COTL1: variants seen among roughly 807,000 people sequenced by gnomAD.
The protein encoded by COTL1 is coactosin-like protein.
A neutral mutation model predicts 16.5 loss-of-function variants in COTL1; 15 were observed. The ratio of observed to expected loss-of-function variants is 0.91; its 90% CI spans 0.61 to 1.40. The LOEUF (loss-of-function observed/expected upper bound fraction) is 1.40. Ranked by LOEUF, COTL1 falls within the 40% of genes most tolerant of loss-of-function variation. The pLI is 0.00. For synonymous variants in COTL1, 112 were observed against 85.3 expected (o/e 1.31, Z -1.73); for missense variants, 220 against 201.5 (o/e 1.09, Z -0.56).
At chr16:84,579,565 A>T (rs1904532069) in intron 3 of COTL1, among the ~76,000 whole-genome samples, 1 of 152,240 alleles carries the variant, frequency 6.6e-6, no homozygotes, top group African/African-American at 2.4e-5. Context: ...TGCTCTGCTA[A>T]AGGCTGTGGC....
chr16:84,615,132 G>A (rs112934148), intron 2 of COTL1, among the ~76,000 whole-genome samples: 13 of 152,334 alleles, frequency 8.5e-5, no homozygotes, highest in African/African-American at 3.1e-4. Context: ...CGACAGGAAG[G>A]AACAAGCGTT....
intron 2 of COTL1, among the ~76,000 whole-genome samples, chr16:84,602,870 T>C (rs1313556708): frequency 3.4e-5 from 5 of 148,534 alleles, no homozygotes; most frequent in Middle Eastern, 3.6e-3. Flanking sequence ...AAAAAGTGCA[T>C]GGAAAGGGAA....
intron 2 of COTL1, among the ~76,000 whole-genome samples, chr16:84,613,866 C>T (rs56707791): frequency 6.6e-6 from 1 of 151,724 alleles, no homozygotes; most frequent in South Asian, 2.1e-4. Context: ...GTGATCCAGG[C>T]CTGGCCACGC....
rs566197082 is a variant in COTL1, at chr16:84,606,285, C to G, written c.160+11216G>C. On this transcript the variant is annotated intron_variant, in intron 2 of 3. Transcript: ENST00000262428. ...CAGTCACATGGCCAGTGGTAGCGGC[C>G]GGGAGCCTTGTGGGCCACTGGGCTG... 7.2e-5 allele frequency among the ~76,000 whole-genome samples: 11 copies of G among 152,306 alleles called. No homozygotes were observed. In the South Asian group the frequency reaches 2.3e-3, roughly 32 times the overall value.
Position 84,590,188 on chromosome 16 carries a change from T to TC in COTL1, c.234_235insG (p.Ile79AspfsTer6). On this transcript the variant is annotated frameshift_variant, in exon 3 of 4. Transcript: ENST00000262428. LOFTEE classifies it high-confidence loss of function. This position sits in a 1 kb window ranked among gnomAD's most constrained non-coding sequence, Gnocchi z 5.5. The stretch of plus-strand genomic sequence containing the variant: ...CTGACGTTCTCACCGATCCACGTGA[T>TC]GAGGGCAAACTTGGACCTCTTGCTC... The TC allele has an allele frequency of 6.2e-7, 1 of 1,614,218 alleles. No homozygotes were observed. The highest frequency in any genetic ancestry group is 8.5e-7 in the Non-Finnish European group (1 of 1,180,038).
At chr16:84,615,865 G>C (rs1223898977) in intron 2 of COTL1, 5 of 151,326 alleles carry the variant, frequency 3.3e-5, no homozygotes, top group Non-Finnish European at 7.4e-5. Context: ...GTGTGTGTGT[G>C]TGTGTGTGTG....
chr16:84,584,812 A>G (rs1429649342), intron 3 of COTL1, among the ~76,000 whole-genome samples: 2 of 152,164 alleles, frequency 1.3e-5, no homozygotes, highest in Admixed American at 1.3e-4. Flanking sequence ...AATCCCCACC[A>G]CAACCCTACA....
intron 3 of COTL1, among the ~76,000 whole-genome samples, chr16:84,570,836 G>C (rs1053812031): frequency 6.6e-6 from 1 of 152,210 alleles, no homozygotes. Context: ...TAGAAAGCAA[G>C]TGTCTTAACA....
chr16:84,617,364 C>T, intron 2 of COTL1, 137 bp downstream of exon 2: 1 of 739,730 alleles, frequency 1.4e-6, no homozygotes, highest in Non-Finnish European at 2.3e-6. Flanking sequence ...ACGCTCACAC[C>T]GGGTTCCTCC....
intron 3 of COTL1, among the ~76,000 whole-genome samples, chr16:84,586,189 G>C (rs1004064126): frequency 6.6e-6 from 1 of 152,148 alleles, no homozygotes. Flanking sequence ...ACAGAACTGA[G>C]AGATGAGATG....
At chr16:84,567,832 C>T (rs1349493814) in intron 3 of COTL1, 2 of 152,092 alleles carry the variant, frequency 1.3e-5, no homozygotes, top group Non-Finnish European at 2.9e-5. Flanking sequence ...CATGATGATA[C>T]ACAGTTACTG....
intron 3 of COTL1, chr16:84,575,263 C>T (rs557635808): frequency 6.6e-6 from 1 of 152,344 alleles, no homozygotes; most frequent in East Asian, 1.9e-4. Flanking sequence ...GTCTTGAACT[C>T]CGGACCTCAG....
chr16:84,617,608 C>A (rs1456077744), intron 1 of COTL1, 25 bp from the exon 2 acceptor site: 13 of 1,526,126 alleles, frequency 8.5e-6, no homozygotes, highest in African/African-American at 4.1e-5. Context: ...AAGAAAAAAA[C>A]ACACACACAC....
intron 2 of COTL1, among the ~76,000 whole-genome samples, chr16:84,592,598 T>TAAA (rs11356776): frequency 0.076 from 10,879 of 143,400 alleles, 526 homozygotes; most frequent in South Asian, 0.16. Flanking sequence ...CACACTGAGT[T>TAAA]AAAAAAAAAA....
At chr16:84,601,670 G>GTA (rs1338285565) in intron 2 of COTL1, among the ~76,000 whole-genome samples, 1 of 152,182 alleles carries the variant, frequency 6.6e-6, no homozygotes, top group Non-Finnish European at 1.5e-5. Flanking sequence ...TGGCCAGGCT[G>GTA]GTCTCGAACT....
Position 84,590,762 on chromosome 16 carries a change from A to G in COTL1, c.161-500T>C, listed in dbSNP as rs1250250178. Among the ~76,000 whole-genome samples, 1 of 152,212 alleles carries G rather than the reference A, an allele frequency of 6.6e-6. No individual in the cohort carries two copies. Among genetic ancestry groups the G allele is most frequent in the African/African-American group, 2.4e-5 (1 of 41,452 alleles). On this transcript the variant is annotated intron_variant, in intron 2 of 3. Transcript: ENST00000262428. This position sits in a 1 kb window ranked among gnomAD's most constrained non-coding sequence, Gnocchi z 5.5. ...GGGACCAGAAATTCATCCTCTTTGT[A>G]GACCAGAAATTCATCAACTCTTTTT...
At chr16:84,574,376 G>C (rs1904404590) in intron 3 of COTL1, among the ~76,000 whole-genome samples, 1 of 152,154 alleles carries the variant, frequency 6.6e-6, no homozygotes, top group East Asian at 1.9e-4. Flanking sequence ...TGTCAGTCTG[G>C]GGGCACCGTC....
At chr16:84,605,228 ATTGCAAGCTGGGGTGCAG>A (rs1241067226) in intron 2 of COTL1, among the ~76,000 whole-genome samples, 1 of 152,186 alleles carries the variant, frequency 6.6e-6, no homozygotes, top group Admixed American at 6.5e-5. Context: ...AAGATTTTAC[ATTGCAAGCTGGGGTGCAG>A]GGGGTGTCAG....
chr16:84,574,110 G>A (rs1158540786), intron 3 of COTL1, among the ~76,000 whole-genome samples: 3 of 152,284 alleles, frequency 2.0e-5, no homozygotes, highest in South Asian at 4.1e-4. Flanking sequence ...CGAGGCTGCC[G>A]TGAGCCATGA....
Sources: gnomAD v4.1 joint callset for allele counts (sites outside exome capture counted in the v4.1 genomes callset) on GRCh38, gnomAD v4.1.1 for gene constraint, Gnocchi (gnomAD v3.1) non-coding constraint, MANE v1.5 for transcripts, NCBI Gene and HGNC (gene_info 2026-07-23, HGNC 2026-07-21) for gene names.